Variants in SGK2 observed in about 807,000 individuals in gnomAD.
SGK2 encodes the protein serum/glucocorticoid regulated kinase 2, also known as serine/threonine-protein kinase Sgk2.
A neutral mutation model predicts 47.5 loss-of-function variants in SGK2; 36 were observed. That is an observed-to-expected ratio of 0.76 (90% CI 0.58 to 1.00). The LOEUF is 1.00. SGK2 is among the 50% of genes least tolerant of loss of function. The probability of loss-of-function intolerance (pLI) is 0.00; values close to 1 mark genes in which losing one functional copy is unlikely to be tolerated. For missense variants in SGK2, 404 were observed against 467.4 expected, an observed-to-expected ratio of 0.86 and a Z score of 1.25; for synonymous variants, 157 against 181.9, an observed-to-expected ratio of 0.86 and a Z score of 1.10.
At chr20:43,563,211 G>A (rs1436221476) in intron 1 of SGK2, among the ~76,000 whole-genome samples, 1 of 152,040 alleles carries the variant, frequency 6.6e-6, no homozygotes, top group Non-Finnish European at 1.5e-5. Context: ...CACTAAAATG[G>A]TAGTGATCAA....
At position 43,566,534 on chromosome 20, in the gene SGK2, G is replaced by A. The variant is rs1431347405; in HGVS notation, c.36+3G>A. 1 of 1,606,626 alleles carries A rather than the reference G, an allele frequency of 6.2e-7. No individual in the cohort carries two copies. Among genetic ancestry groups the A allele is most frequent in the Non-Finnish European group, 8.5e-7 (1 of 1,174,436 alleles). Reference sequence around the variant, plus strand: ...CAGCTGGGACCCCAAGTCCACAGGTGAGTGGTTCTTGGTCCCCCACCCATC... The same window carrying A: ...CAGCTGGGACCCCAAGTCCACAGGTAAGTGGTTCTTGGTCCCCCACCCATC... On this transcript the variant is annotated splice_donor_region_variant and intron_variant, in intron 2 of 12. Transcript: ENST00000373100.
intron 11 of SGK2, 91 bp downstream of exon 11, chr20:43,576,470 G>A (rs1394111583): frequency 1.8e-6 from 2 of 1,136,668 alleles, no homozygotes; most frequent in Non-Finnish European, 2.5e-6. Context: ...GCATCCTGCT[G>A]CCTTCTAAAA....
At chr20:43,575,317 G>A (rs921671364) in intron 10 of SGK2, among the ~76,000 whole-genome samples, 2 of 151,930 alleles carry the variant, frequency 1.3e-5, no homozygotes, top group African/African-American at 4.8e-5. Flanking sequence ...ACAAAAATTA[G>A]CTGGGCGTGG....
At position 43,583,511 on chromosome 20, in the gene SGK2, G is replaced by T. The variant is rs12625261; in HGVS notation, c.940-1341G>T. 768 of 1,147,486 alleles carry T rather than the reference G, an allele frequency of 6.7e-4. 19 individuals are homozygous for T. The East Asian group carries it at 0.039, about 59-fold the overall frequency. 71.1% of individuals were successfully genotyped at this position (1,147,486 alleles called of 1,614,324 possible). On this transcript the variant is annotated intron_variant, in intron 12 of 12. Transcript: ENST00000373100. ...GCCTTATTGAGAAGCTAGAAACTGT[G>T]ATCTGTTTGGCTCCATAGCCCGACT... is the stretch of plus-strand genomic sequence containing the variant.
At chr20:43,582,369 C>CATTTTT (rs1201858643) in intron 12 of SGK2, among the ~76,000 whole-genome samples, 6 of 151,478 alleles carry the variant, frequency 4.0e-5, no homozygotes, top group Middle Eastern at 3.5e-3. Flanking sequence ...TTTTTATTTT[C>CATTTTT]ATTTTTATTT....
At chr20:43,567,255 C>G in intron 3 of SGK2, 138 bp downstream of exon 3, 1 of 718,678 alleles carries the variant, frequency 1.4e-6, no homozygotes, top group Non-Finnish European at 2.5e-6. Flanking sequence ...CTTTCCCCAG[C>G]TCTATCTCCC....
chr20:43,576,129 T>C, intron 10 of SGK2, 95 bp from the exon 11 acceptor site: 1 of 1,465,572 alleles, frequency 6.8e-7, no homozygotes, highest in Non-Finnish European at 9.4e-7. Context: ...GGGGTCATAC[T>C]GAATCCTCCC....
At position 43,569,533 on chromosome 20, in the gene SGK2, G is replaced by A. The variant is rs3752560; in HGVS notation, c.360+17G>A. 0.042 allele frequency: 66,885 copies of A among 1,610,872 alleles called. 1,594 individuals are homozygous for A. Among genetic ancestry groups the A allele is most frequent in the Middle Eastern group, 0.084 (506 of 6,022 alleles). ...GGGGGAGAGGTGGGTGGGCCCACAG[G>A]GAGGCTTCCCTGGGCTGGCTCTCGG... On this transcript the variant is annotated intron_variant, in intron 6 of 12. Coordinates refer to ENST00000373100, the MANE Select transcript of SGK2 (RefSeq NM_170693.3).
At position 43,584,108 on chromosome 20, in the gene SGK2, T is replaced by C. The variant is rs118046005; in HGVS notation, c.940-744T>C. On this transcript the variant is annotated intron_variant, in intron 12 of 12. Transcript: ENST00000373100. ...TTGATCTAGAATTGCCTCACTCCCATGCCTGGGAGTTGGCAGGCAGCCAGG... is the reference window on the plus strand; with the variant it reads ...TTGATCTAGAATTGCCTCACTCCCACGCCTGGGAGTTGGCAGGCAGCCAGG... Among the ~76,000 whole-genome samples the C allele has an allele frequency of 2.0e-4, 31 of 152,300 alleles. 2 individuals are homozygous for C. The East Asian group carries it at 6.0e-3, about 29-fold the overall frequency.
In SGK2 at chr20:43,569,528, C is replaced by T. The variant is rs757839179; in HGVS notation, c.360+12C>T. On this transcript the variant is annotated intron_variant, in intron 6 of 12. Coordinates refer to ENST00000373100, the MANE Select transcript of SGK2 (RefSeq NM_170693.3). ...TCAACGGGGGAGAGGTGGGTGGGCC[C>T]ACAGGGAGGCTTCCCTGGGCTGGCT... The T allele has an allele frequency of 1.9e-6, 3 of 1,611,572 alleles. No individual in the cohort carries two copies. The highest frequency in any genetic ancestry group is 1.3e-5 in the African/African-American group (1 of 75,020).
At chr20:43,560,940 G>A (rs1052304080) in intron 1 of SGK2, among the ~76,000 whole-genome samples, 2 of 152,174 alleles carry the variant, frequency 1.3e-5, no homozygotes, top group Non-Finnish European at 2.9e-5. Context: ...TAATAAATAC[G>A]TGATAAGGCA....
intron 5 of SGK2, among the ~76,000 whole-genome samples, chr20:43,568,538 A>G (rs1979889024): frequency 6.6e-6 from 1 of 152,040 alleles, no homozygotes; most frequent in Non-Finnish European, 1.5e-5. Flanking sequence ...GCTGGAGTGC[A>G]ATGGCACCAT....
chr20:43,570,510 A>C, intron 6 of SGK2, 107 bp from the exon 7 acceptor site: 1 of 676,300 alleles, frequency 1.5e-6, no homozygotes, highest in South Asian at 1.9e-5. Flanking sequence ...AGAATGCTGC[A>C]GGTCAGAGAG....
At chr20:43,561,872 G>T (rs6103384) in intron 1 of SGK2, among the ~76,000 whole-genome samples, 1 of 152,098 alleles carries the variant, frequency 6.6e-6, no homozygotes, top group African/African-American at 2.4e-5. Flanking sequence ...AGTGACAATG[G>T]GGGCTCAGGC....
intron 12 of SGK2, among the ~76,000 whole-genome samples, chr20:43,583,876 C>T (rs1368966565): frequency 6.6e-6 from 1 of 152,112 alleles, no homozygotes; most frequent in Non-Finnish European, 1.5e-5. Flanking sequence ...GTGGGAGGCT[C>T]GCTTGAGCCT....
chr20:43,566,250 C>T, intron 1 of SGK2: 3 of 1,305,466 alleles, frequency 2.3e-6, no homozygotes, highest in Non-Finnish European at 3.2e-6. Flanking sequence ...GACCATCCCC[C>T]TTTATCCCTT....
intron 11 of SGK2, among the ~76,000 whole-genome samples, chr20:43,579,011 CTTTTTTTTTT>C (rs10523244): frequency 7.0e-6 from 1 of 143,808 alleles, no homozygotes; most frequent in Non-Finnish European, 1.5e-5. Flanking sequence ...CTTTCGGAGG[CTTTTTTTTTT>C]TTTTTTTTTT....
chr20:43,567,770 C>T, intron 4 of SGK2, 48 bp downstream of exon 4: 1 of 1,590,362 alleles, frequency 6.3e-7, no homozygotes, highest in Non-Finnish European at 8.6e-7. Flanking sequence ...CCTTCTGCAG[C>T]CTCTTCCAGC....
rs1237496917 is a variant in SGK2, at chr20:43,572,539, C to T, written c.597+402C>T. On this transcript the variant is annotated intron_variant, in intron 9 of 12. Coordinates refer to ENST00000373100, the MANE Select transcript of SGK2 (RefSeq NM_170693.3). The surrounding 1 kb of genome is among the most constrained non-coding windows in gnomAD (Gnocchi z 4.2). ...AAAAATACAAAAAATTAGCTGGGCA[C>T]GGTGACGGGCACCTATAGTCCCAGC... Among the ~76,000 whole-genome samples, 9 of 151,994 alleles carry T rather than the reference C, an allele frequency of 5.9e-5. No individual in the cohort carries two copies. Among genetic ancestry groups the T allele is most frequent in the Admixed American group, 5.2e-4 (8 of 15,268 alleles).
Sources: allele counts gnomAD v4.1 joint callset (sites outside exome capture counted in the v4.1 genomes callset), GRCh38; gene constraint gnomAD v4.1.1; non-coding constraint Gnocchi (gnomAD v3.1); transcripts MANE v1.5; gene names NCBI Gene and HGNC (gene_info 2026-07-23, HGNC 2026-07-21).